The following MYZAP variants were observed in gnomAD, a reference collection of about 807,000 sequenced individuals.
MYZAP encodes myocardial zonula adherens protein.
Under a neutral mutation model 69.4 loss-of-function variants are expected in MYZAP, and 66 were observed. That is an observed-to-expected ratio of 0.95 (90% CI 0.78 to 1.17). The LOEUF (loss-of-function observed/expected upper bound fraction) is 1.17, where lower values mean the gene tolerates loss of function less well. Ranked by LOEUF, MYZAP falls within the 50% of genes most tolerant of loss-of-function variation. The pLI is 0.00. For synonymous variants in MYZAP, 256 were observed against 205.9 expected (o/e 1.24, Z -2.09); for missense variants, 611 against 556.2 (o/e 1.10, Z -0.99).
chr15:57,666,381 T>C lies in MYZAP; in HGVS notation c.1203+4848T>C, dbSNP rs191913176. On this transcript the variant is annotated intron_variant, in intron 11 of 12. Coordinates refer to ENST00000267853, the MANE Select transcript of MYZAP (RefSeq NM_001018100.5). The stretch of plus-strand genomic sequence containing the variant: ...CTTTCCTAGGTCATGGCTGACACTC[T>C]AGAACCCTTCTTCTTTTCTTTTAAA... Among the ~76,000 whole-genome samples the C allele has an allele frequency of 8.5e-5, 13 of 152,336 alleles. No homozygotes were observed. The East Asian group carries it at 2.5e-3, about 29-fold the overall frequency.
At chr15:57,637,852 T>G in intron 9 of MYZAP, 78 bp downstream of exon 9, 1 of 1,407,712 alleles carries the variant, frequency 7.1e-7, no homozygotes, top group Admixed American at 2.1e-5. Flanking sequence ...ATTTGACCCT[T>G]ACATTTTCAT....
chr15:57,594,723 G>A (rs768732290), intron 1 of MYZAP, among the ~76,000 whole-genome samples: 14 of 152,130 alleles, frequency 9.2e-5, no homozygotes, highest in Admixed American at 3.3e-4. Flanking sequence ...GCATCTCCAC[G>A]GTTAAGTGAC....
chr15:57,595,033 A>G (rs1334610910), intron 1 of MYZAP, among the ~76,000 whole-genome samples: 2 of 152,224 alleles, frequency 1.3e-5, no homozygotes, highest in Admixed American at 6.5e-5. Context: ...CAGATATTCA[A>G]GCCAACCAGA....
In MYZAP at chr15:57,633,633, G is replaced by T. The variant is rs1445148385; in HGVS notation, c.825G>T (p.Leu275=). The change falls in exon 8 of 13, where the codon CTG becomes CTT. Residue 275 remains leucine, a synonymous_variant. Coordinates refer to ENST00000267853, the MANE Select transcript of MYZAP (RefSeq NM_001018100.5). ...TGCAGGAAGAAACCAATAGTTTTCTGAAAGCGATTGAAGAAGCCAATAAAA... is the reference window on the plus strand; with the variant it reads ...TGCAGGAAGAAACCAATAGTTTTCTTAAAGCGATTGAAGAAGCCAATAAAA... ...EALLEETNSF[L]KAIEEANKKM... The T allele has an allele frequency of 1.2e-6, 2 of 1,612,972 alleles. No homozygotes were observed. The highest frequency in any genetic ancestry group is 8.5e-7 in the Non-Finnish European group (1 of 1,179,560).
At position 57,618,061 on chromosome 15, in the gene MYZAP, C is replaced by T; in HGVS notation, c.191C>T (p.Thr64Ile). The change falls in exon 3 of 13, where the codon ACC becomes ATC. Residue 64 changes from threonine to isoleucine, a missense_variant. Coordinates refer to ENST00000267853, the MANE Select transcript of MYZAP (RefSeq NM_001018100.5). ...CTTGACCTGAGCAATGGAGAACCTA[C>T]CAGGAAACTTCCTCAGGGTGTTGTT... ...QLLDLSNGEP[T>I]RKLPQGVVYG... is the part of the protein sequence containing the mutation. The T allele has an allele frequency of 6.2e-7, 1 of 1,613,898 alleles. No individual in the cohort carries two copies.
intron 10 of MYZAP, among the ~76,000 whole-genome samples, chr15:57,640,634 A>C (rs1207960375): frequency 6.6e-6 from 1 of 152,198 alleles, no homozygotes; most frequent in African/African-American, 2.4e-5. Context: ...GATATTGGGG[A>C]TATTAATGTT....
In MYZAP at chr15:57,643,641, C is replaced by G. The variant is rs150796622; in HGVS notation, c.1119+4096C>G. Among the ~76,000 whole-genome samples the G allele has an allele frequency of 6.1e-3, 921 of 152,164 alleles. 19 individuals carry two copies. The highest frequency in any genetic ancestry group is 0.021 in the African/African-American group (880 of 41,528). On this transcript the variant is annotated intron_variant, in intron 10 of 12. Coordinates refer to ENST00000267853, the MANE Select transcript of MYZAP (RefSeq NM_001018100.5). Reference sequence around the variant, plus strand: ...GGGAAAGTGATCTTAAGGAAAAAATCAACTATTTGCCTTCCAAGAGGGTGG... The same window carrying G: ...GGGAAAGTGATCTTAAGGAAAAAATGAACTATTTGCCTTCCAAGAGGGTGG...
At chr15:57,674,161 C>T (rs1288729462) in intron 11 of MYZAP, among the ~76,000 whole-genome samples, 1 of 151,998 alleles carries the variant, frequency 6.6e-6, no homozygotes, top group Non-Finnish European at 1.5e-5. Context: ...CATTTTTGCC[C>T]TTCGGATTTC....
At chr15:57,681,824 T>G (rs2039462209) in intron 12 of MYZAP, among the ~76,000 whole-genome samples, 1 of 151,736 alleles carries the variant, frequency 6.6e-6, no homozygotes, top group Non-Finnish European at 1.5e-5. Context: ...GCCTGTATAA[T>G]AGTGATGTTC....
chr15:57,595,101 A>G (rs769593337), intron 1 of MYZAP, among the ~76,000 whole-genome samples: 1 of 152,128 alleles, frequency 6.6e-6, no homozygotes, highest in Non-Finnish European at 1.5e-5. Flanking sequence ...GCCAAGGGTT[A>G]TGTGGCTGGC....
At chr15:57,593,008 G>A (rs2033785124) in intron 1 of MYZAP, among the ~76,000 whole-genome samples, 1 of 152,148 alleles carries the variant, frequency 6.6e-6, no homozygotes, top group African/African-American at 2.4e-5. Context: ...CTGTCTGCGT[G>A]CAGGCTTGGA....
chr15:57,618,240 C>T, intron 3 of MYZAP, 52 bp downstream of exon 3: 2 of 1,590,366 alleles, frequency 1.3e-6, no homozygotes, highest in Non-Finnish European at 1.7e-6. Context: ...TTGTAGCATG[C>T]AAGAGAATGG....
chr15:57,650,821 T>C (rs1341815568), intron 10 of MYZAP, among the ~76,000 whole-genome samples: 1 of 152,112 alleles, frequency 6.6e-6, no homozygotes, highest in Non-Finnish European at 1.5e-5. Context: ...AGACAAGATA[T>C]AGAATAAATA....
intron 4 of MYZAP, 50 bp from the exon 5 acceptor site, chr15:57,625,729 G>T: frequency 6.4e-7 from 1 of 1,555,378 alleles, no homozygotes; most frequent in Non-Finnish European, 8.9e-7. Flanking sequence ...GAAGATTGTC[G>T]TGAACGTGTA....
At chr15:57,646,377 A>T in intron 10 of MYZAP, 3 of 1,174,546 alleles carry the variant, frequency 2.6e-6, no homozygotes, top group Non-Finnish European at 3.2e-6. Context: ...AAACACCCAC[A>T]TACTGTCACC....
intron 2 of MYZAP, among the ~76,000 whole-genome samples, chr15:57,615,884 G>T (rs1261042009): frequency 6.6e-6 from 1 of 152,180 alleles, no homozygotes; most frequent in Non-Finnish European, 1.5e-5. Context: ...CTCTTCCCAA[G>T]TGTGGGAAGA....
At chr15:57,599,292 A>G (rs1205260594) in intron 1 of MYZAP, 1 of 202,376 alleles carries the variant, frequency 4.9e-6, no homozygotes, top group Non-Finnish European at 9.3e-6. Flanking sequence ...GGTTATTCCA[A>G]GTGTTCTTGA....
At chr15:57,659,143 C>T (rs1293436137) in intron 10 of MYZAP, among the ~76,000 whole-genome samples, 3 of 151,946 alleles carry the variant, frequency 2.0e-5, no homozygotes, top group Non-Finnish European at 4.4e-5. Flanking sequence ...TACTCAATTA[C>T]ACTCATTATT....
At chr15:57,614,207 A>G (rs1397089149) in intron 2 of MYZAP, among the ~76,000 whole-genome samples, 1 of 152,174 alleles carries the variant, frequency 6.6e-6, no homozygotes, top group Non-Finnish European at 1.5e-5. Flanking sequence ...ACCTCTCCCA[A>G]CTTCTAAAGT....
Sources: gnomAD v4.1 joint callset for allele counts (sites outside exome capture counted in the v4.1 genomes callset) on GRCh38, gnomAD v4.1.1 for gene constraint, MANE v1.5 for transcripts, NCBI Gene and HGNC (gene_info 2026-07-23, HGNC 2026-07-21) for gene names.